The following ORC3 variants were observed in gnomAD, a reference collection of about 807,000 sequenced individuals.
ORC3 encodes the protein homolog of latheo, Drosophila.
A neutral mutation model predicts 100.7 loss-of-function variants in ORC3; 78 were observed. The ratio of observed to expected loss-of-function variants is 0.77; its 90% CI spans 0.65 to 0.94. The LOEUF (loss-of-function observed/expected upper bound fraction) is 0.94. ORC3 is among the 40% of genes least tolerant of loss of function. The pLI is 0.00. For missense variants in ORC3, 789 were observed against 823.9 expected, an observed-to-expected ratio of 0.96 and a Z score of 0.52; for synonymous variants, 295 against 289.3, an observed-to-expected ratio of 1.02 and a Z score of -0.20.
chr6:87,603,581 A>AT, intron 4 of ORC3, 53 bp downstream of exon 4: 1 of 1,262,296 alleles, frequency 7.9e-7, no homozygotes, highest in Non-Finnish European at 1.1e-6. Context: ...TTCGTTTTTA[A>AT]ATTTTTTTTT....
intron 13 of ORC3, among the ~76,000 whole-genome samples, chr6:87,650,267 G>A (rs2128288303): frequency 6.6e-6 from 1 of 152,002 alleles, no homozygotes; most frequent in African/African-American, 2.4e-5. Flanking sequence ...TGTTGGCCAG[G>A]CTGGTCTCAA....
At chr6:87,625,346 C>G (rs1367883393) in intron 11 of ORC3, among the ~76,000 whole-genome samples, 1 of 152,192 alleles carries the variant, frequency 6.6e-6, no homozygotes, top group East Asian at 1.9e-4. Context: ...TCCACATTCT[C>G]TCCAGTATCT....
intron 4 of ORC3, among the ~76,000 whole-genome samples, chr6:87,604,637 A>G (rs1207475038): frequency 2.0e-5 from 3 of 152,206 alleles, no homozygotes; most frequent in Non-Finnish European, 4.4e-5. Context: ...TTATAATACA[A>G]ATATAACGAA....
At chr6:87,673,154 A>ATT in the ORC3 span, among the ~76,000 whole-genome samples, 162 of 65,834 alleles carry the variant, frequency 2.5e-3, no homozygotes, top group Middle Eastern at 0.013. Context: ...AAAAAAAAAA[A>ATT]TTTTTTTTTT....
intron 13 of ORC3, among the ~76,000 whole-genome samples, chr6:87,642,087 G>C (rs929453661): frequency 6.6e-6 from 1 of 152,180 alleles, no homozygotes. Context: ...CTTGAGCCCA[G>C]GAGTTAAAGA....
At chr6:87,677,479 C>T in the ORC3 span, among the ~76,000 whole-genome samples, 1 of 151,996 alleles carries the variant, frequency 6.6e-6, no homozygotes, top group Non-Finnish European at 1.5e-5. Flanking sequence ...CAGTGACAGC[C>T]AATTAGATAT....
intron 13 of ORC3, among the ~76,000 whole-genome samples, chr6:87,651,648 C>T (rs982747050): frequency 7.2e-5 from 11 of 151,964 alleles, no homozygotes; most frequent in Non-Finnish European, 1.6e-4. Flanking sequence ...TTTGGTCTAC[C>T]CTTAACAATT....
downstream of ORC3, among the ~76,000 whole-genome samples, chr6:87,669,078 A>T (rs1456896061): frequency 1.3e-5 from 2 of 152,250 alleles, no homozygotes; most frequent in African/African-American, 4.8e-5. Context: ...AATCGCTTAA[A>T]CCCAGAAGGT....
chr6:87,673,614 A>G, the ORC3 span, among the ~76,000 whole-genome samples: 28 of 152,150 alleles, frequency 1.8e-4, no homozygotes, highest in African/African-American at 6.5e-4. Flanking sequence ...AGGCTGAGGC[A>G]GGCAGATCAT....
chr6:87,676,428 T>C, the ORC3 span, among the ~76,000 whole-genome samples: 657 of 102,334 alleles, frequency 6.4e-3, 4 homozygotes, highest in African/African-American at 0.025. Flanking sequence ...AACGCGCCAC[T>C]GCACTCCAGC....
the ORC3 span, among the ~76,000 whole-genome samples, chr6:87,674,642 A>ATTTT: frequency 7.1e-6 from 1 of 140,864 alleles, no homozygotes; most frequent in East Asian, 2.0e-4. Context: ...ATATATATAT[A>ATTTT]TTTTTTTTTT....
chr6:87,651,731 A>G (rs1041887684), intron 13 of ORC3, among the ~76,000 whole-genome samples: 1 of 152,078 alleles, frequency 6.6e-6, no homozygotes, highest in Non-Finnish European at 1.5e-5. Context: ...AACCAGTTCA[A>G]TTTCTCAGTA....
At chr6:87,592,191 G>A (rs1203198994) in intron 1 of ORC3, among the ~76,000 whole-genome samples, 1 of 152,204 alleles carries the variant, frequency 6.6e-6, no homozygotes, top group Non-Finnish European at 1.5e-5. Context: ...CACTCCTCAT[G>A]TCTTGCTCCT....
Position 87,612,104 on chromosome 6 carries a change from A to G in ORC3, c.729A>G (p.Glu243=), listed in dbSNP as rs773117703. 6.2e-7 allele frequency: 1 copy of G among 1,608,740 alleles called. No homozygotes were observed. Among genetic ancestry groups the G allele is most frequent in the Non-Finnish European group, 8.5e-7 (1 of 1,178,888 alleles). The part of the protein sequence containing the change: ...FIIISSQHLH[E]FPLILIFGIA... The stretch of plus-strand genomic sequence containing the variant: ...TCAAAACTAGTCAACATCTCCATGA[A>G]TTTCCACTAATACTCATTTTTGGAA... Residue 243 remains glutamate (E), a synonymous_variant, in exon 8 of 20, where the codon GAA becomes GAG. Coordinates refer to ENST00000392844, the MANE Select transcript of ORC3 (RefSeq NM_012381.4).
At chr6:87,621,012 CTATT>C (rs1157209671) in intron 9 of ORC3, among the ~76,000 whole-genome samples, 2 of 152,100 alleles carry the variant, frequency 1.3e-5, no homozygotes, top group African/African-American at 4.8e-5. Flanking sequence ...TTTGGGGTAT[CTATT>C]AGACCCTTTC....
In ORC3 at chr6:87,634,817, T is replaced by G. The variant is rs1406370939; in HGVS notation, c.1186-28T>G. On this transcript the variant is annotated intron_variant, in intron 11 of 19. Transcript: ENST00000392844. Reference sequence around the variant, plus strand: ...ATGCTCTTTTATTAGCTGACTTACATATTAATAATATATTCTGTGATTTTT... The same window carrying G: ...ATGCTCTTTTATTAGCTGACTTACAGATTAATAATATATTCTGTGATTTTT... 2.9e-6 allele frequency: 3 copies of G among 1,045,846 alleles called. No homozygotes were observed. In the East Asian group the frequency reaches 7.1e-5, roughly 25 times the overall value. The allele number at this position is 1,045,846 out of a possible 1,614,324, so 64.8% of individuals were successfully genotyped here.
intron 9 of ORC3, among the ~76,000 whole-genome samples, chr6:87,617,276 A>G (rs1172447409): frequency 6.6e-6 from 1 of 152,084 alleles, no homozygotes; most frequent in Non-Finnish European, 1.5e-5. Context: ...CACTAGTTTC[A>G]TGAATTGCCT....
chr6:87,664,578 T>G (rs549139175), intron 17 of ORC3, among the ~76,000 whole-genome samples, 165 bp from the exon 18 acceptor site: 14 of 152,312 alleles, frequency 9.2e-5, no homozygotes, highest in African/African-American at 3.4e-4. Flanking sequence ...GACATAAACC[T>G]AAACAAGAAC....
At chr6:87,633,699 GAC>G (rs1432694727) in intron 11 of ORC3, among the ~76,000 whole-genome samples, 1 of 152,234 alleles carries the variant, frequency 6.6e-6, no homozygotes, top group East Asian at 1.9e-4. Flanking sequence ...CTGAAATAAA[GAC>G]ACAGCCCAGC....
Sources: allele counts gnomAD v4.1 joint callset (sites outside exome capture counted in the v4.1 genomes callset), GRCh38; gene constraint gnomAD v4.1.1; transcripts MANE v1.5; gene names NCBI Gene and HGNC (gene_info 2026-07-23, HGNC 2026-07-21).